Variants in CRADD observed in about 807,000 individuals in gnomAD.
CRADD encodes death domain-containing protein CRADD.
Under a neutral mutation model 15.5 loss-of-function variants are expected in CRADD, and 9 were observed. The observed-to-expected ratio is 0.58, with a 90% CI of 0.35 to 1.01. The LOEUF is 1.01. CRADD is among the 50% of genes least tolerant of loss of function. The pLI is 0.02. For synonymous variants in CRADD, 118 were observed against 107.6 expected (o/e 1.10, Z -0.60); for missense variants, 227 against 250.3 (o/e 0.91, Z 0.63).
At position 93,824,053 on chromosome 12, in the gene CRADD, G is replaced by A. The variant is rs188338528; in HGVS notation, c.299-25917G>A. ...AGTGAATGGAAAGCTGCTTTTTACC[G>A]TGTTCCAAAACACTGGCTCCGTTTG... On this transcript the variant is annotated intron_variant, in intron 2 of 2. Coordinates refer to ENST00000332896, the MANE Select transcript of CRADD (RefSeq NM_003805.5). The surrounding 1 kb of genome is among the most constrained non-coding windows in gnomAD (Gnocchi z 4.3). 4.1e-4 allele frequency among the ~76,000 whole-genome samples: 62 copies of A among 152,214 alleles called. No homozygotes were observed. Among genetic ancestry groups the A allele is most frequent in the African/African-American group, 1.4e-3 (60 of 41,536 alleles).
chr12:93,701,608 T>TG (rs1955845825), intron 2 of CRADD, among the ~76,000 whole-genome samples: 1 of 152,250 alleles, frequency 6.6e-6, no homozygotes, highest in Admixed American at 6.5e-5. Context: ...TTTGAACTTC[T>TG]GGGAAGAAAA....
chr12:93,735,840 A>G (rs1956558397), intron 2 of CRADD: 1 of 152,048 alleles, frequency 6.6e-6, no homozygotes, highest in South Asian at 2.1e-4. Context: ...AAATGAGAAT[A>G]ATTATTCCTA....
chr12:93,710,097 T>A (rs1419621860), intron 2 of CRADD, among the ~76,000 whole-genome samples: 1 of 152,212 alleles, frequency 6.6e-6, no homozygotes, highest in Non-Finnish European at 1.5e-5. Flanking sequence ...GCTGAGTGGT[T>A]TTCTGTTCCA....
intron 2 of CRADD, among the ~76,000 whole-genome samples, chr12:93,734,438 T>G (rs1039225536): frequency 2.6e-5 from 4 of 152,252 alleles, no homozygotes; most frequent in Non-Finnish European, 4.4e-5. Context: ...ATTTTTTATT[T>G]AGAACTCTTT....
At chr12:93,712,247 A>G (rs148880436) in intron 2 of CRADD, among the ~76,000 whole-genome samples, 4 of 152,306 alleles carry the variant, frequency 2.6e-5, no homozygotes, top group African/African-American at 9.6e-5. Flanking sequence ...CTGGAGCATG[A>G]TATTGCTCTC....
intron 2 of CRADD, among the ~76,000 whole-genome samples, chr12:93,800,592 C>G (rs1008206790): frequency 1.3e-5 from 2 of 152,156 alleles, no homozygotes; most frequent in Non-Finnish European, 2.9e-5. Flanking sequence ...CTCTCTCTCT[C>G]TCTCTCTCTG....
intron 2 of CRADD, among the ~76,000 whole-genome samples, chr12:93,747,609 C>T (rs554774371): frequency 6.6e-6 from 1 of 152,220 alleles, no homozygotes; most frequent in South Asian, 2.1e-4. Context: ...GCTGGGCCTA[C>T]AGGCATGCGC....
chr12:93,880,972 C>T (rs1435312402), intron 2 of CRADD, among the ~76,000 whole-genome samples: 1 of 152,186 alleles, frequency 6.6e-6, no homozygotes, highest in African/African-American at 2.4e-5. Context: ...GTTTAGCCAC[C>T]CTTAGGCAAA....
chr12:93,828,258 G>T (rs1957848855), intron 2 of CRADD, among the ~76,000 whole-genome samples: 1 of 152,094 alleles, frequency 6.6e-6, no homozygotes, highest in African/African-American at 2.4e-5. Flanking sequence ...TCAGTGGTTT[G>T]TCTTTTAATT....
chr12:93,772,377 T>C lies in CRADD; in HGVS notation c.299-77593T>C, dbSNP rs146434796. On this transcript the variant is annotated intron_variant, in intron 2 of 2. Transcript: ENST00000332896. ...TGTGCCCTTTACAAAAGAGGCAATATGAATTTGCATTGCAAAGGATTGCTT... is the reference window on the plus strand; with the variant it reads ...TGTGCCCTTTACAAAAGAGGCAATACGAATTTGCATTGCAAAGGATTGCTT... 5.2e-3 allele frequency among the ~76,000 whole-genome samples: 790 copies of C among 152,348 alleles called. 5 individuals are homozygous for C. Among genetic ancestry groups the C allele is most frequent in the Non-Finnish European group, 7.2e-3 (489 of 68,032 alleles).
intron 2 of CRADD, among the ~76,000 whole-genome samples, chr12:93,888,642 G>A (rs894937042): frequency 2.6e-5 from 4 of 152,132 alleles, no homozygotes; most frequent in African/African-American, 9.7e-5. Flanking sequence ...AGGGTGGTGG[G>A]GTGTGGGATG....
At chr12:93,853,468 A>G (rs1040800720), downstream of CRADD, among the ~76,000 whole-genome samples, 1 of 152,210 alleles carries the variant, frequency 6.6e-6, no homozygotes, top group African/African-American at 2.4e-5. Flanking sequence ...AGATAAAAGG[A>G]CACTTAGCTA....
At position 93,894,326 on chromosome 12, in the gene CRADD, G is replaced by A. The variant is rs1328335080; in HGVS notation, c.*209G>A. On this transcript the variant is annotated 3_prime_UTR_variant, in exon 3 of 3. Transcript: ENST00000548483. ...CTAGTGAGTAGATAACAGAGATGCT[G>A]CTAAACCTACAATGCTCAGATGGCC... 6.9e-6 allele frequency: 4 copies of A among 583,106 alleles called. No individual in the cohort carries two copies. The East Asian group carries it at 8.6e-5, about 13-fold the overall frequency. 36.1% of individuals were successfully genotyped at this position (583,106 alleles called of 1,614,324 possible). A position where few individuals can be genotyped will look rare whatever the true frequency, so the allele number is the denominator to read the frequency against.
intron 2 of CRADD, among the ~76,000 whole-genome samples, chr12:93,889,577 C>A (rs1958562103): frequency 6.6e-6 from 1 of 152,144 alleles, no homozygotes; most frequent in South Asian, 2.1e-4. Flanking sequence ...GCCTGTCTAC[C>A]CCCAGCGGGT....
In CRADD at chr12:93,762,884, G is replaced by A. The variant is rs145135408; in HGVS notation, c.298+83812G>A. Among the ~76,000 whole-genome samples, 5 of 152,232 alleles carry A rather than the reference G, an allele frequency of 3.3e-5. No individual in the cohort carries two copies. The East Asian group carries it at 9.6e-4, about 29-fold the overall frequency. On this transcript the variant is annotated intron_variant, in intron 2 of 2. Coordinates refer to ENST00000332896, the MANE Select transcript of CRADD (RefSeq NM_003805.5). Reference sequence around the variant, plus strand: ...ACAAAAACAAGTCAACTTCCCTGTGGGGAGGCTAGAACAGTGCTGGTCTCA... The same window carrying A: ...ACAAAAACAAGTCAACTTCCCTGTGAGGAGGCTAGAACAGTGCTGGTCTCA...
intron 2 of CRADD, among the ~76,000 whole-genome samples, chr12:93,697,317 C>T (rs1224421536): frequency 6.6e-6 from 1 of 152,200 alleles, no homozygotes; most frequent in Non-Finnish European, 1.5e-5. Context: ...GCTCTTGTTG[C>T]CCTTTGGCAT....
chr12:93,870,478 A>G (rs1958408893), intron 2 of CRADD, among the ~76,000 whole-genome samples: 1 of 152,070 alleles, frequency 6.6e-6, no homozygotes, highest in African/African-American at 2.4e-5. Context: ...GGCTACTGAC[A>G]TTTTTTTGTC....
At position 93,792,157 on chromosome 12, in the gene CRADD, C is replaced by T. The variant is rs928194512; in HGVS notation, c.299-57813C>T. Among the ~76,000 whole-genome samples the T allele has an allele frequency of 3.3e-5, 5 of 152,060 alleles. No homozygotes were observed. In the South Asian group the frequency reaches 8.3e-4, roughly 25 times the overall value. ...AAGTGGAACATCCTAGAGAATAACT[C>T]ATTTTTGAAAAATAGAATGTCTTAG... On this transcript the variant is annotated intron_variant, in intron 2 of 2. Coordinates refer to ENST00000332896, the MANE Select transcript of CRADD (RefSeq NM_003805.5).
At chr12:93,833,405 C>T (rs151187726) in intron 2 of CRADD, among the ~76,000 whole-genome samples, 4,008 of 152,230 alleles carry the variant, frequency 0.026, 76 homozygotes, top group Admixed American at 0.066. Context: ...GTGGCACTCT[C>T]ACAGCTCACT....
Sources: gnomAD v4.1 joint callset for allele counts (sites outside exome capture counted in the v4.1 genomes callset) on GRCh38, gnomAD v4.1.1 for gene constraint, Gnocchi (gnomAD v3.1) non-coding constraint, MANE v1.5 for transcripts, NCBI Gene and HGNC (gene_info 2026-07-23, HGNC 2026-07-21) for gene names.